The following NRDE2 variants were observed in gnomAD, a reference collection of about 807,000 sequenced individuals.
NRDE2 encodes the protein NRDE-2, necessary for RNA interference, domain containing.
NRDE2 carries 76 observed loss-of-function variants against 124.2 expected under a neutral mutation model. The ratio of observed to expected loss-of-function variants is 0.61; its 90% CI spans 0.51 to 0.74. The LOEUF is 0.74. NRDE2 is among the 30% of genes least tolerant of loss of function. NRDE2 has a pLI of 0.00. For synonymous variants in NRDE2, 489 were observed against 528.1 expected, an observed-to-expected ratio of 0.93 and a Z score of 1.01; for missense variants, 1,314 against 1,417.3, an observed-to-expected ratio of 0.93 and a Z score of 1.17.
intron 12 of NRDE2, among the ~76,000 whole-genome samples, chr14:90,282,273 T>C (rs1891973221): frequency 6.6e-6 from 1 of 151,922 alleles, no homozygotes; most frequent in Non-Finnish European, 1.5e-5. Context: ...GCCCAGGAGT[T>C]CGAGGCTAGC....
In NRDE2 at chr14:90,276,353, G is replaced by A. The variant is rs1324417943; in HGVS notation, c.*1983C>T. 6.6e-6 allele frequency: 1 copy of A among 152,002 alleles called. No homozygotes were observed. Among genetic ancestry groups the A allele is most frequent in the Non-Finnish European group, 1.5e-5 (1 of 68,088 alleles). The allele number at this position is 152,002 out of a possible 1,614,324, so 9.4% of individuals were successfully genotyped here. Reference sequence around the variant, plus strand: ...CCTGCCTTAGCCTTCCGAGTAGCTGGGACTACAGGCGCCAGCCACCACGCC... The same window carrying A: ...CCTGCCTTAGCCTTCCGAGTAGCTGAGACTACAGGCGCCAGCCACCACGCC... On this transcript the variant is annotated 3_prime_UTR_variant, in exon 14 of 14. Coordinates refer to ENST00000354366, the MANE Select transcript of NRDE2 (RefSeq NM_017970.4).
At chr14:90,319,151 G>A (rs11845387) in intron 1 of NRDE2, among the ~76,000 whole-genome samples, 5 of 151,880 alleles carry the variant, frequency 3.3e-5, no homozygotes, top group Non-Finnish European at 5.9e-5. Context: ...TAGCTGTGAA[G>A]GGAAGAAAAA....
chr14:90,317,324 C>G (rs1885080864), intron 2 of NRDE2, among the ~76,000 whole-genome samples: 2 of 152,124 alleles, frequency 1.3e-5, no homozygotes, highest in Admixed American at 6.5e-5. Context: ...CATATTATGT[C>G]AACATGTTGT....
intron 4 of NRDE2, among the ~76,000 whole-genome samples, chr14:90,306,163 T>A (rs905716696): frequency 6.6e-6 from 1 of 152,190 alleles, no homozygotes; most frequent in Non-Finnish European, 1.5e-5. Flanking sequence ...TTTTTCCTAA[T>A]AAAACCGGAA....
chr14:90,312,517 G>A lies in NRDE2; in HGVS notation c.434C>T (p.Thr145Ile). ...CTCAAGCCAAACAAAGCGATGTCCA[G>A]TATCAGCTGCAGCATTATTTCCTTG... ...PNQGNNAAAD[T>I]GHRFVWLEDI... Residue 145 changes from threonine (T) to isoleucine (I), a missense_variant, in exon 4 of 14, where the codon ACT (threonine) becomes ATT (isoleucine). Coordinates refer to ENST00000354366, the MANE Select transcript of NRDE2 (RefSeq NM_017970.4). 6.2e-7 allele frequency: 1 copy of A among 1,614,136 alleles called. No homozygotes were observed. The highest frequency in any genetic ancestry group is 1.7e-5 in the Admixed American group (1 of 60,024).
intron 3 of NRDE2, 76 bp from the exon 4 acceptor site, chr14:90,312,619 A>T: frequency 6.9e-7 from 1 of 1,449,714 alleles, no homozygotes; most frequent in Non-Finnish European, 9.6e-7. Context: ...CATTTTCAGC[A>T]ATATGAGAGT....
rs527320859 is a variant in NRDE2 at position 90,297,958 on chromosome 14, A to G, written c.1666+302T>C. ...TCTGTCTCAAAAAAAAAAAAAAAAA[A>G]AGAATGAGGATTGGGGCAGTTATTA... On this transcript the variant is annotated intron_variant, in intron 8 of 13. Transcript: ENST00000354366. 9.9e-5 allele frequency among the ~76,000 whole-genome samples: 15 copies of G among 151,696 alleles called. 1 individual carries two copies. The East Asian group carries it at 2.9e-3, about 29-fold the overall frequency.
At chr14:90,297,753 G>A (rs1884228995) in intron 8 of NRDE2, among the ~76,000 whole-genome samples, 1 of 151,906 alleles carries the variant, frequency 6.6e-6, no homozygotes, top group African/African-American at 2.4e-5. Context: ...GACCAGCCTG[G>A]CCAACATGGC....
chr14:90,290,276 G>C lies in NRDE2; in HGVS notation c.2174C>G (p.Ser725Ter). The C allele has an allele frequency of 1.2e-6, 2 of 1,614,042 alleles. No individual in the cohort carries two copies. The highest frequency in any genetic ancestry group is 1.7e-6 in the Non-Finnish European group (2 of 1,179,998). Residue 725 changes from serine (S) to a stop codon, truncating the protein, a stop_gained, in exon 10 of 14, where the codon TCA becomes TGA. Transcript: ENST00000354366. LOFTEE classifies it high-confidence loss of function. Reference sequence around the variant, plus strand: ...GCAGAGCTGGGACTTCTCTTTGCCTGAAAATAAAGGCATGACAAGGTGGAA... The same window carrying C: ...GCAGAGCTGGGACTTCTCTTTGCCTCAAAATAAAGGCATGACAAGGTGGAA... ...NVFHLVMPLFSGKEKSQLCFS... is the reference protein window; with the variant it reads ...NVFHLVMPLF
chr14:90,318,966 A>C (rs2139709084), intron 1 of NRDE2, among the ~76,000 whole-genome samples: 1 of 152,288 alleles, frequency 6.6e-6, no homozygotes, highest in Admixed American at 6.5e-5. Flanking sequence ...GGAAATAAAA[A>C]CCTAAGATGT....
In NRDE2 at chr14:90,277,103, A is replaced by T. The variant is rs1044937931; in HGVS notation, c.*1233T>A. On this transcript the variant is annotated 3_prime_UTR_variant, in exon 14 of 14. Coordinates refer to ENST00000354366, the MANE Select transcript of NRDE2 (RefSeq NM_017970.4). The stretch of plus-strand genomic sequence containing the variant: ...GCTGACGACCTGTCTGTCGCTAAGG[A>T]ACACCCGGTGGGCTTCTGCCTACAG... 1.3e-5 allele frequency: 2 copies of T among 152,170 alleles called. No individual in the cohort carries two copies. The highest frequency in any genetic ancestry group is 4.8e-5 in the African/African-American group (2 of 41,406). 9.4% of individuals were successfully genotyped at this position (152,170 alleles called of 1,614,324 possible).
In NRDE2 at chr14:90,273,979, A is replaced by AATC. The variant is rs1350650686; in HGVS notation, c.*4354_*4356dup. On this transcript the variant is annotated 3_prime_UTR_variant, in exon 14 of 14. Transcript: ENST00000354366. ...ATAATTTCCCTGTTTTAAAGTTTACAATCTTCTTAATTTTTATCTGCAAAG... is the reference window on the plus strand; with the variant it reads ...ATAATTTCCCTGTTTTAAAGTTTACAATCATCTTCTTAATTTTTATCTGCAAAG... The AATC allele has an allele frequency of 2.2e-5, 3 of 133,550 alleles. No homozygotes were observed. The highest frequency in any genetic ancestry group is 5.1e-5 in the African/African-American group (2 of 38,978). The allele number at this position is 133,550 out of a possible 1,614,324, so 8.3% of individuals were successfully genotyped here. A position where few individuals can be genotyped will look rare whatever the true frequency, so the allele number is the denominator to read the frequency against.
chr14:90,279,350 T>C, intron 12 of NRDE2: 1 of 549,554 alleles, frequency 1.8e-6, no homozygotes, highest in Non-Finnish European at 3.3e-6. Flanking sequence ...CCCATTCAAA[T>C]GGCCCCAGAG....
intron 6 of NRDE2, 42 bp from the exon 7 acceptor site, chr14:90,301,414 C>A (rs147258224): frequency 1.9e-6 from 3 of 1,602,548 alleles, no homozygotes; most frequent in East Asian, 2.2e-5. Flanking sequence ...TGGTTGATAC[C>A]GTTAAAGGGA....
rs935943895 is a variant in NRDE2, at chr14:90,298,437, T to C, written c.1546-57A>G. On this transcript the variant is annotated intron_variant, in intron 7 of 13. Transcript: ENST00000354366. ...CACTTGTATAAAACTGCTGAGTCAG[T>C]GGGCAAAATCCGCGCTGGTGGATAT... The C allele has an allele frequency of 4.3e-5, 69 of 1,594,700 alleles. No individual in the cohort carries two copies. The Middle Eastern group carries it at 9.9e-4, about 23-fold the overall frequency.
At chr14:90,293,990 T>C (rs1284706897) in intron 8 of NRDE2, among the ~76,000 whole-genome samples, 1 of 152,140 alleles carries the variant, frequency 6.6e-6, no homozygotes, top group Non-Finnish European at 1.5e-5. Context: ...AAAACCTATA[T>C]GCTAATACTC....
At chr14:90,302,197 G>C (rs1425176632) in intron 6 of NRDE2, among the ~76,000 whole-genome samples, 2 of 152,134 alleles carry the variant, frequency 1.3e-5, no homozygotes, top group African/African-American at 4.8e-5. Flanking sequence ...AAACCCTTCA[G>C]GATTCAAGGT....
rs1476308120 is a variant in NRDE2, at chr14:90,317,815, T to C, written c.173+190A>G. 2.0e-5 allele frequency: 10 copies of C among 512,230 alleles called. No homozygotes were observed. The Admixed American group carries it at 3.0e-4, about 15-fold the overall frequency. 31.7% of individuals were successfully genotyped at this position (512,230 alleles called of 1,614,324 possible). ...TACAGGCACTAACTGTGTCATGTAC[T>C]TGCCACTGCAAAGCAAAGAAAAAAA... On this transcript the variant is annotated intron_variant, in intron 2 of 13. Coordinates refer to ENST00000354366, the MANE Select transcript of NRDE2 (RefSeq NM_017970.4).
At chr14:90,314,791 A>C (rs550542034) in intron 3 of NRDE2, among the ~76,000 whole-genome samples, 1 of 152,322 alleles carries the variant, frequency 6.6e-6, no homozygotes, top group South Asian at 2.1e-4. Flanking sequence ...TATGGTGGTA[A>C]GCAAGACAGG....
Sources: gnomAD v4.1 joint callset for allele counts (sites outside exome capture counted in the v4.1 genomes callset) on GRCh38, gnomAD v4.1.1 for gene constraint, MANE v1.5 for transcripts, NCBI Gene and HGNC (gene_info 2026-07-23, HGNC 2026-07-21) for gene names.